SP140: variants seen among roughly 807,000 people sequenced by gnomAD.
The protein encoded by SP140 is SP140 nuclear body protein.
Under a neutral mutation model 125.0 loss-of-function variants are expected in SP140, and 81 were observed. The ratio of observed to expected loss-of-function variants is 0.65; its 90% CI spans 0.54 to 0.78. The LOEUF (loss-of-function observed/expected upper bound fraction) is 0.78, where lower values mean the gene tolerates loss of function less well. Among genes scored for constraint, SP140 ranks in the 30% least tolerant of loss-of-function variants. The probability of loss-of-function intolerance (pLI) is 0.00; values close to 1 mark genes in which losing one functional copy is unlikely to be tolerated. For missense variants in SP140, 858 were observed against 1,037.0 expected (o/e 0.83, Z 2.37); for synonymous variants, 312 against 354.0 (o/e 0.88, Z 1.33).
chr2:230,250,093 G>A (rs970969564), intron 9 of SP140, among the ~76,000 whole-genome samples: 5 of 152,132 alleles, frequency 3.3e-5, no homozygotes, highest in Non-Finnish European at 5.9e-5. Context: ...CACCTCCTCC[G>A]AACCTAGAAA....
chr2:230,263,813 C>G (rs747588660), intron 12 of SP140, among the ~76,000 whole-genome samples: 4 of 152,176 alleles, frequency 2.6e-5, no homozygotes, highest in Non-Finnish European at 4.4e-5. Context: ...TCCCTCCTGT[C>G]TTATATGGTT....
At chr2:230,275,968 G>C (rs2081713) in intron 15 of SP140, among the ~76,000 whole-genome samples, 1 of 152,100 alleles carries the variant, frequency 6.6e-6, no homozygotes, top group Admixed American at 6.6e-5. Context: ...GCTGAAAGAT[G>C]TGAGAAGCTG....
rs374878527 is a variant in SP140, at chr2:230,212,349, T to C, written c.-322-1305T>C. On this transcript the variant is annotated intron_variant, in intron 1 of 4. Coordinates refer to the SP140 transcript ENST00000456542. ...GTATCAGCCCCAGTCAGTGTTACCT[T>C]GCACAGTGCTAGTGAGGAGGCTGGG... The C allele has an allele frequency of 6.8e-6, 11 of 1,610,086 alleles. No homozygotes were observed. The highest frequency in any genetic ancestry group is 9.4e-6 in the Non-Finnish European group (11 of 1,176,352).
chr2:230,186,242 C>T, the SP140 span: 7 of 1,171,980 alleles, frequency 6.0e-6, no homozygotes, highest in East Asian at 1.5e-4. Flanking sequence ...CTATAATTCT[C>T]TCTTTTCTTG....
upstream of SP140, among the ~76,000 whole-genome samples, chr2:230,223,093 G>A (rs760521865): frequency 7.4e-5 from 11 of 148,826 alleles, no homozygotes; most frequent in Non-Finnish European, 1.5e-4. Context: ...CTAGAGTGCT[G>A]TGGCGCAATC....
chr2:230,279,931 T>A (rs1391471251), intron 15 of SP140, among the ~76,000 whole-genome samples: 1 of 152,112 alleles, frequency 6.6e-6, no homozygotes. Flanking sequence ...AAGGTGTTTT[T>A]TTTTTTAATT....
chr2:230,246,867 CA>C (rs2049526699), intron 7 of SP140, among the ~76,000 whole-genome samples: 1 of 151,846 alleles, frequency 6.6e-6, no homozygotes, highest in African/African-American at 2.4e-5. Flanking sequence ...AGGAGAGGCA[CA>C]AAAGTTGTAC....
chr2:230,216,819 G>A (rs1422778809), intron 3 of SP140: 1 of 1,613,988 alleles, frequency 6.2e-7, no homozygotes, highest in Non-Finnish European at 8.5e-7. Context: ...TTGTCTAGGA[G>A]GCCTTCAAAG....
chr2:230,241,323 C>T (rs1383232518), intron 3 of SP140, 81 bp from the exon 4 acceptor site: 13 of 863,674 alleles, frequency 1.5e-5, no homozygotes, highest in Non-Finnish European at 2.2e-5. Context: ...GGGGCTTGGA[C>T]ATCAAGTTCA....
In SP140 at chr2:230,245,949, G is replaced by T; in HGVS notation, c.742+9G>T. The T allele has an allele frequency of 6.5e-7, 1 of 1,532,928 alleles. No homozygotes were observed. Among genetic ancestry groups the T allele is most frequent in the South Asian group, 1.1e-5 (1 of 89,358 alleles). The allele number at this position is 1,532,928 out of a possible 1,614,324, so 95.0% of individuals were successfully genotyped here. A position where few individuals can be genotyped will look rare whatever the true frequency, so the allele number is the denominator to read the frequency against. ...GCCTTATGATACAGAAGGTAATTAG[G>T]ATTTAAATTAAAGCTTTATTTTTCT... is the stretch of plus-strand genomic sequence containing the variant. On this transcript the variant is annotated intron_variant, in intron 7 of 26. Coordinates refer to ENST00000392045, the MANE Select transcript of SP140 (RefSeq NM_007237.5).
chr2:230,224,575 T>C (rs2046109595), upstream of SP140, among the ~76,000 whole-genome samples: 1 of 151,562 alleles, frequency 6.6e-6, no homozygotes, highest in Non-Finnish European at 1.5e-5. Flanking sequence ...TCATCAGTGT[T>C]CTAGAGTTTG....
chr2:230,190,749 G>C, the SP140 span, among the ~76,000 whole-genome samples: 1 of 152,274 alleles, frequency 6.6e-6, no homozygotes, highest in Non-Finnish European at 1.5e-5. Context: ...TGTGAGGAAG[G>C]GGTCCAGTTT....
chr2:230,267,650 G>C (rs1159494401), intron 12 of SP140, among the ~76,000 whole-genome samples: 1 of 152,188 alleles, frequency 6.6e-6, no homozygotes, highest in Non-Finnish European at 1.5e-5. Context: ...AAAGTATACA[G>C]AGGAAGTGAA....
chr2:230,200,700 G>A (rs2043090368), upstream of SP140: 5 of 628,190 alleles, frequency 8.0e-6, no homozygotes, highest in Non-Finnish European at 1.1e-5. Flanking sequence ...TACATAAAAT[G>A]GACATATATT....
intron 24 of SP140, 50 bp from the exon 25 acceptor site, chr2:230,311,104 G>C (rs368697917): frequency 2.2e-5 from 36 of 1,610,094 alleles, no homozygotes; most frequent in Non-Finnish European, 2.8e-5. Flanking sequence ...CATGCATGTG[G>C]GCTCATTCTC....
intron 10 of SP140, among the ~76,000 whole-genome samples, chr2:230,253,023 T>A (rs2050606593): frequency 6.6e-6 from 1 of 150,986 alleles, no homozygotes; most frequent in Non-Finnish European, 1.5e-5. Flanking sequence ...GCTAAAGAAA[T>A]AATAGAAAAG....
chr2:230,196,822 A>C, the SP140 span, among the ~76,000 whole-genome samples: 1 of 151,730 alleles, frequency 6.6e-6, no homozygotes, highest in Non-Finnish European at 1.5e-5. Context: ...AATAGTTTGC[A>C]GAGAATGATG....
intron 1 of SP140, chr2:230,212,506 G>A: frequency 1.6e-6 from 2 of 1,232,302 alleles, no homozygotes; most frequent in East Asian, 2.3e-5. Flanking sequence ...AAAAGTGCCT[G>A]GGGCAGATAG....
intron 17 of SP140, among the ~76,000 whole-genome samples, chr2:230,286,100 G>A (rs908972232): frequency 1.3e-5 from 2 of 152,148 alleles, no homozygotes; most frequent in African/African-American, 4.8e-5. Flanking sequence ...TCAAATCATT[G>A]TTTTATTAAA....
Sources: allele counts gnomAD v4.1 joint callset (sites outside exome capture counted in the v4.1 genomes callset), GRCh38; gene constraint gnomAD v4.1.1; transcripts MANE v1.5; gene names NCBI Gene and HGNC (gene_info 2026-07-23, HGNC 2026-07-21).